Variants in LAD1 observed in about 807,000 individuals in gnomAD.
LAD1 encodes the protein ladinin-1.
In LAD1, 53 loss-of-function variants were observed where a neutral mutation model predicts 54.2. That is an observed-to-expected ratio of 0.98 (90% CI 0.78 to 1.23). LAD1 has a LOEUF of 1.23. Among genes scored for constraint, LAD1 ranks in the 50% most tolerant of loss-of-function variants. LAD1 has a pLI of 0.00. For synonymous variants in LAD1, 231 were observed against 257.7 expected, an observed-to-expected ratio of 0.90 and a Z score of 0.99; for missense variants, 637 against 653.3, an observed-to-expected ratio of 0.98 and a Z score of 0.27.
Position 201,386,499 on chromosome 1 carries a change from C to T in LAD1, c.862G>A (p.Glu288Lys). 1 of 1,583,254 alleles carries T rather than the reference C, an allele frequency of 6.3e-7. No homozygotes were observed. The highest frequency in any genetic ancestry group is 2.2e-5 in the East Asian group (1 of 44,686). The change falls in exon 3 of 10, where the codon GAG (glutamate) becomes AAG (lysine). Residue 288 changes from glutamate to lysine, a missense_variant. Transcript: ENST00000391967. ...KPAPKRATAS[E>K]QPLAQEPPAS... ...GGCGGCTCCTGCGCCAGGGGCTGCT[C>T]TGAGGCTGTGGCCCTCTTTGGGGCC...
intron 1 of LAD1, among the ~76,000 whole-genome samples, chr1:201,391,511 G>A (rs1221533502): frequency 6.6e-6 from 1 of 152,186 alleles, no homozygotes; most frequent in East Asian, 1.9e-4. Context: ...CCAGCACCAT[G>A]TCAGGAACTG....
At chr1:201,386,084 T>C (rs1041927446) in intron 3 of LAD1, among the ~76,000 whole-genome samples, 3 of 151,962 alleles carry the variant, frequency 2.0e-5, no homozygotes, top group African/African-American at 7.3e-5. Flanking sequence ...TGGATGAGGA[T>C]ATGGTGGGGG....
chr1:201,388,801 T>G (rs989810238), intron 2 of LAD1, among the ~76,000 whole-genome samples: 1 of 152,198 alleles, frequency 6.6e-6, no homozygotes, highest in Admixed American at 6.5e-5. Context: ...CTGCCACTCT[T>G]GAGGTACGTG....
At chr1:201,385,635 A>G in intron 4 of LAD1, 66 bp downstream of exon 4, 1 of 1,172,204 alleles carries the variant, frequency 8.5e-7, no homozygotes. Flanking sequence ...CCTATGTTGT[A>G]ATGGATGCGG....
chr1:201,381,896 G>A lies in LAD1; in HGVS notation c.1549-3C>T. ...TGTCTTGGCGGGGCTTGTCACACCTGTGGGGCAAAGAGCTGTTAGCACAAG... is the reference window on the plus strand; with the variant it reads ...TGTCTTGGCGGGGCTTGTCACACCTATGGGGCAAAGAGCTGTTAGCACAAG... On this transcript the variant is annotated splice_region_variant and splice_polypyrimidine_tract_variant and intron_variant, in intron 9 of 9. Transcript: ENST00000391967. 1 of 1,613,804 alleles carries A rather than the reference G, an allele frequency of 6.2e-7. No individual in the cohort carries two copies. The highest frequency in any genetic ancestry group is 1.7e-5 in the Admixed American group (1 of 59,990).
chr1:201,383,493 G>T, intron 5 of LAD1, 104 bp from the exon 6 acceptor site: 3 of 1,097,558 alleles, frequency 2.7e-6, no homozygotes, highest in South Asian at 1.3e-5. Flanking sequence ...TCTCATTGTG[G>T]CCAAGAGAAT....
At chr1:201,393,150 G>A (rs1662224740) in intron 1 of LAD1, among the ~76,000 whole-genome samples, 1 of 152,168 alleles carries the variant, frequency 6.6e-6, no homozygotes, top group African/African-American at 2.4e-5. Flanking sequence ...ATGAAGAGCT[G>A]TGCTTCTGGC....
At chr1:201,389,335 T>G (rs780662096) in intron 1 of LAD1, 32 bp from the exon 2 acceptor site, 1 of 1,601,174 alleles carries the variant, frequency 6.2e-7, no homozygotes, top group Admixed American at 1.7e-5. Context: ...TCAGCACAGC[T>G]GGGGAAACCC....
Position 201,399,170 on chromosome 1 carries a change from TCAGGGTCC to T in LAD1, c.38+91_38+98del, listed in dbSNP as rs561189293. On this transcript the variant is annotated intron_variant, in intron 1 of 9. Transcript: ENST00000391967. ...GCAAGACCAGGATCCAGCCTCAGTG[TCAGGGTCC>T]CAGGCGGGGAGGAGGCCGGTGCCCC... 6,162 of 1,015,714 alleles carry T rather than the reference TCAGGGTCC, an allele frequency of 6.1e-3. 19 individuals are homozygous for T. Among genetic ancestry groups the T allele is most frequent in the Non-Finnish European group, 7.9e-3 (5,354 of 676,206 alleles). The allele number at this position is 1,015,714 out of a possible 1,614,324, so 62.9% of individuals were successfully genotyped here.
intron 1 of LAD1, among the ~76,000 whole-genome samples, chr1:201,393,745 CAAAA>C (rs55816688): frequency 3.3e-5 from 4 of 121,178 alleles, no homozygotes; most frequent in African/African-American, 5.9e-5. Flanking sequence ...GACTCCATCT[CAAAA>C]AAAAAAAAAA....
Position 201,386,717 on chromosome 1 carries a change from G to A in LAD1, c.644C>T (p.Ser215Leu), listed in dbSNP as rs1662096972. 6.2e-7 allele frequency: 1 copy of A among 1,614,208 alleles called. No individual in the cohort carries two copies. The highest frequency in any genetic ancestry group is 1.3e-5 in the African/African-American group (1 of 75,056). The change falls in exon 3 of 10, where the codon TCA (serine) becomes TTA (leucine). Residue 215 changes from serine to leucine, a missense_variant. By Grantham distance (145) the Ser-to-Leu change is moderately radical (BLOSUM62 -2). Transcript: ENST00000391967. ...KVLASEKTSL[S>L]EKIAVSEKRN... Reference sequence around the variant, plus strand: ...TTTCTCTGACACTGCTATCTTCTCTGATAGAGATGTCTTCTCTGAGGCCAG... The same window carrying A: ...TTTCTCTGACACTGCTATCTTCTCTAATAGAGATGTCTTCTCTGAGGCCAG...
Position 201,382,258 on chromosome 1 carries a change from G to A in LAD1, c.1542C>T (p.Asp514=), listed in dbSNP as rs774739211. The change falls in exon 9 of 10, where the codon GAC becomes GAT. Residue 514 remains aspartate, a synonymous_variant. Coordinates refer to ENST00000391967, the MANE Select transcript of LAD1 (RefSeq NM_005558.4). The stretch of plus-strand genomic sequence containing the variant: ...GCTCCTCCCCACCATTCACCTCAGC[G>A]TCCAGCGAGGAGTCAGATTTCTGTC... The part of the protein sequence containing the change: ...QWGQKSDSSL[D]AEV 8.7e-6 allele frequency: 14 copies of A among 1,612,824 alleles called. No homozygotes were observed. The highest frequency in any genetic ancestry group is 3.3e-5 in the Admixed American group (2 of 59,996).
Position 201,386,477 on chromosome 1 carries a change from G to A in LAD1, c.884C>T (p.Pro295Leu), listed in dbSNP as rs377741666. The A allele has an allele frequency of 2.3e-5, 35 of 1,552,548 alleles. No homozygotes were observed. The highest frequency in any genetic ancestry group is 1.4e-4 in the South Asian group (11 of 79,110). Residue 295 changes from proline (P) to leucine (L), a missense_variant, in exon 3 of 10, where the codon CCG becomes CTG. Physicochemically the swap from Pro to Leu is moderately conservative, Grantham distance 98. Transcript: ENST00000391967. ...TASEQPLAQE[P>L]PASGGSPATT... Reference sequence around the variant, plus strand: ...GGCTGGGCTTCCCCCAGAGGCTGGCGGCTCCTGCGCCAGGGGCTGCTCTGA... The same window carrying A: ...GGCTGGGCTTCCCCCAGAGGCTGGCAGCTCCTGCGCCAGGGGCTGCTCTGA...
chr1:201,393,366 C>T (rs769713519), intron 1 of LAD1, among the ~76,000 whole-genome samples: 2 of 152,174 alleles, frequency 1.3e-5, no homozygotes, highest in African/African-American at 2.4e-5. Flanking sequence ...AGGGCTGTAC[C>T]AGAGCCTGAG....
Position 201,383,074 on chromosome 1 carries a change from C to G in LAD1, c.1386G>C (p.Lys462Asn), listed in dbSNP as rs746040872. Residue 462 changes from lysine to asparagine, a missense_variant and splice_region_variant, in exon 7 of 10, where the codon AAG (lysine) becomes AAC (asparagine). Physicochemically the swap from Lys to Asn is moderately conservative, Grantham distance 94 (BLOSUM62 0). Coordinates refer to ENST00000391967, the MANE Select transcript of LAD1 (RefSeq NM_005558.4). ...ACCCTGTGGGGCCTGAGCCCCTCAC[C>G]TTCCGGCTGGAGGCTGGTTCTGCTC... ...QSRAEPASSR[K>N]ENLRLSGVVT... 1.9e-6 allele frequency: 3 copies of G among 1,611,750 alleles called. No individual in the cohort carries two copies. The Admixed American group carries it at 5.0e-5, about 27-fold the overall frequency.
chr1:201,396,226 C>T (rs1161389852), intron 1 of LAD1, among the ~76,000 whole-genome samples: 2 of 152,138 alleles, frequency 1.3e-5, no homozygotes, highest in Non-Finnish European at 2.9e-5. Flanking sequence ...TCTAGACAAC[C>T]CTTTCCCCCA....
rs369195605 is a variant in LAD1, at chr1:201,389,248, G to A, written c.94C>T (p.Arg32Trp). The A allele has an allele frequency of 7.1e-5, 114 of 1,613,938 alleles. No individual in the cohort carries two copies. The highest frequency in any genetic ancestry group is 8.9e-5 in the East Asian group (4 of 44,894). Residue 32 changes from arginine to tryptophan, a missense_variant, in exon 2 of 10, where the codon CGG becomes TGG. Coordinates refer to ENST00000391967, the MANE Select transcript of LAD1 (RefSeq NM_005558.4). ...GTGGAGCTCAGGTTGCGGTGCCGCC[G>A]CCTGCGCTCGCGCTCCTGTTCCTCC... ...DEEEQERERR[R>W]RHRNLSSTTD... is the part of the protein sequence containing the mutation.
chr1:201,395,426 C>T (rs1358421603), intron 1 of LAD1, among the ~76,000 whole-genome samples: 1 of 152,200 alleles, frequency 6.6e-6, no homozygotes, highest in African/African-American at 2.4e-5. Context: ...CTTACTCTAA[C>T]ACCAGTCACT....
chr1:201,389,728 A>G (rs1662165286), intron 1 of LAD1, among the ~76,000 whole-genome samples: 1 of 151,484 alleles, frequency 6.6e-6, no homozygotes, highest in Admixed American at 6.6e-5. Context: ...AGGTTGAGGC[A>G]CGAGAATCAC....
Sources: allele counts gnomAD v4.1 joint callset (sites outside exome capture counted in the v4.1 genomes callset), GRCh38; gene constraint gnomAD v4.1.1; transcripts MANE v1.5; gene names NCBI Gene and HGNC (gene_info 2026-07-23, HGNC 2026-07-21).